MAX: variants seen among roughly 807,000 people sequenced by gnomAD.
MAX encodes the protein protein max.
A neutral mutation model predicts 22.3 loss-of-function variants in MAX; 3 were observed. The ratio of observed to expected loss-of-function variants is 0.13; its 90% CI spans 0.06 to 0.35. The LOEUF (loss-of-function observed/expected upper bound fraction) is 0.35, where lower values mean the gene tolerates loss of function less well. Among genes scored for constraint, MAX ranks in the 10% least tolerant of loss-of-function variants. The pLI is 1.00. For missense variants in MAX, 119 were observed against 209.4 expected, an observed-to-expected ratio of 0.57 and a Z score of 2.66; for synonymous variants, 72 against 77.7, an observed-to-expected ratio of 0.93 and a Z score of 0.39.
Position 65,006,923 on chromosome 14 carries a change from T to C in MAX, c.172-639A>G, listed in dbSNP as rs563846770. ...GGAGTGAAATCCCCTGATTCATAGC[T>C]GGTAGGTCAAGTATGGGTGGGAAAA... On this transcript the variant is annotated intron_variant, in intron 3 of 3. Transcript: ENST00000341653. Among the ~76,000 whole-genome samples, 31 of 152,214 alleles carry C rather than the reference T, an allele frequency of 2.0e-4. 1 individual carries two copies. The South Asian group carries it at 6.4e-3, about 32-fold the overall frequency.
intron 3 of MAX, among the ~76,000 whole-genome samples, chr14:65,036,634 G>GTT (rs2062199291): frequency 6.6e-6 from 1 of 152,092 alleles, no homozygotes; most frequent in Non-Finnish European, 1.5e-5. Context: ...TTCTCTGTAT[G>GTT]TTTTTTTCTT....
chr14:65,067,019 TAAAAA>T (rs35809647), intron 3 of MAX, among the ~76,000 whole-genome samples: 4 of 137,780 alleles, frequency 2.9e-5, no homozygotes, highest in Middle Eastern at 3.4e-3. Flanking sequence ...CTACAAAAAT[TAAAAA>T]AAAAAAAAAA....
chr14:65,076,569 G>A lies in MAX; in HGVS notation c.390C>T (p.Thr130=), dbSNP rs2139740415. The stretch of plus-strand genomic sequence containing the variant: ...CCGAGCCCCCATCGAAGGCAGAGAT[G>A]GTGCTGCCCTTGGCGTTGGTGTAGA... ...NSLYTNAKGS[T]ISAFDGGSDS... is the part of the protein sequence containing the mutation. The change falls in exon 5 of 5, where the codon ACC becomes ACT. Residue 130 remains threonine, a synonymous_variant. Transcript: ENST00000358664. The surrounding 1 kb of genome is among the most constrained non-coding windows in gnomAD (Gnocchi z 6.6). 6.2e-7 allele frequency: 1 copy of A among 1,614,108 alleles called. No individual in the cohort carries two copies. The highest frequency in any genetic ancestry group is 8.5e-7 in the Non-Finnish European group (1 of 1,180,016).
At chr14:65,067,020 A>T (rs529396473) in intron 3 of MAX, among the ~76,000 whole-genome samples, 32 of 58,748 alleles carry the variant, frequency 5.4e-4, no homozygotes, top group African/African-American at 1.2e-3. Context: ...TACAAAAATT[A>T]AAAAAAAAAA....
At chr14:65,066,862 C>CAAAAAAAA (rs759184338) in intron 3 of MAX, among the ~76,000 whole-genome samples, 1 of 88,854 alleles carries the variant, frequency 1.1e-5, no homozygotes, top group African/African-American at 4.6e-5. Context: ...AATTCCATCT[C>CAAAAAAAA]AAAAAAAAAA....
Position 65,008,700 on chromosome 14 carries a change from G to A in MAX, c.172-2416C>T, listed in dbSNP as rs111720816. ...CTAAAGCCAGGAGACTGAAAGGAGC[G>A]GAGCTCAAAGAAGGCAGCATGACCA... On this transcript the variant is annotated intron_variant, in intron 3 of 3. Coordinates refer to the MAX transcript ENST00000341653. Among the ~76,000 whole-genome samples, 35 of 152,328 alleles carry A rather than the reference G, an allele frequency of 2.3e-4. 1 individual carries two copies. The South Asian group carries it at 5.0e-3, about 22-fold the overall frequency.
At chr14:65,064,750 G>T (rs1024896527) in intron 3 of MAX, among the ~76,000 whole-genome samples, 2 of 152,226 alleles carry the variant, frequency 1.3e-5, no homozygotes, top group African/African-American at 2.4e-5. Context: ...TTGGGAACGG[G>T]GAAGGAACAA....
In MAX at chr14:65,093,547, T is replaced by C; in HGVS notation, c.171+161A>G. On this transcript the variant is annotated intron_variant, in intron 3 of 4. Coordinates refer to ENST00000358664, the MANE Select transcript of MAX (RefSeq NM_002382.5). This position sits in a 1 kb window ranked among gnomAD's most constrained non-coding sequence, Gnocchi z 4.4. ...TTTGTTAAGGATAAACTGGAGTACG[T>C]AAGGTGTGCAGTGATCCTCCAAACA... 1 of 674,060 alleles carries C rather than the reference T, an allele frequency of 1.5e-6. No individual in the cohort carries two copies. The allele number at this position is 674,060 out of a possible 1,614,324, so 41.8% of individuals were successfully genotyped here.
At chr14:65,048,338 AC>A (rs1245608056) in intron 3 of MAX, among the ~76,000 whole-genome samples, 1 of 151,662 alleles carries the variant, frequency 6.6e-6, no homozygotes, top group Non-Finnish European at 1.5e-5. Flanking sequence ...AAAAAAAAAA[AC>A]CATGTGCATT....
chr14:65,032,766 A>G lies in MAX; in HGVS notation c.172-26482T>C. 1 of 1,469,710 alleles carries G rather than the reference A, an allele frequency of 6.8e-7. No homozygotes were observed. 91.0% of individuals were successfully genotyped at this position (1,469,710 alleles called of 1,614,324 possible). A position where few individuals can be genotyped will look rare whatever the true frequency, so the allele number is the denominator to read the frequency against. ...GTCACGACACTACTTCAGAAAAATA[A>G]AGAAAATGCAGAGGGACTTGGAAGG... On this transcript the variant is annotated intron_variant, in intron 3 of 3. Coordinates refer to the MAX transcript ENST00000341653. This position sits in a 1 kb window ranked among gnomAD's most constrained non-coding sequence, Gnocchi z 5.0.
At chr14:65,070,951 A>G (rs150948578), downstream of MAX, among the ~76,000 whole-genome samples, 70 of 152,342 alleles carry the variant, frequency 4.6e-4, no homozygotes, top group Middle Eastern at 3.4e-3. This position sits in a 1 kb window ranked among gnomAD's most constrained non-coding sequence, Gnocchi z 4.4. Flanking sequence ...CCAGCCTGCA[A>G]GGGTATATTT....
chr14:65,016,774 G>T (rs535844191), intron 3 of MAX, among the ~76,000 whole-genome samples: 7 of 152,308 alleles, frequency 4.6e-5, no homozygotes, highest in African/African-American at 1.7e-4. Flanking sequence ...CTTGTGGTAC[G>T]TAGGATGCTT....
Position 65,012,603 on chromosome 14 carries a change from A to C in MAX, c.172-6319T>G, listed in dbSNP as rs1317070666. 2.0e-5 allele frequency among the ~76,000 whole-genome samples: 3 copies of C among 152,212 alleles called. No homozygotes were observed. Among genetic ancestry groups the C allele is most frequent in the Non-Finnish European group, 4.4e-5 (3 of 68,034 alleles). On this transcript the variant is annotated intron_variant, in intron 3 of 3. Transcript: ENST00000341653. The surrounding 1 kb of genome is among the most constrained non-coding windows in gnomAD (Gnocchi z 5.0). ...TCTTCCAGAGTGAGTGGAGCACCCTAGATAGGATGGGGCTTTCTTCTGTTA... is the reference window on the plus strand; with the variant it reads ...TCTTCCAGAGTGAGTGGAGCACCCTCGATAGGATGGGGCTTTCTTCTGTTA...
Position 65,076,540 on chromosome 14 carries a change from G to A in MAX, c.419C>T (p.Ser140Phe). The stretch of plus-strand genomic sequence containing the variant: ...CTCTTCAGGCTCAGACTCCGAGCTG[G>A]AGTCCGAGCCCCCATCGAAGGCAGA... The part of the protein sequence containing the change: ...TISAFDGGSD[S>F]SSESEPEEPQ... Residue 140 changes from serine (S) to phenylalanine (F), a missense_variant, in exon 5 of 5, where the codon TCC (serine) becomes TTC (phenylalanine). By Grantham distance (155) the Ser-to-Phe change is radical. This residue lies in a region of MAX where 95 missense variants were observed against 148.1 expected (regional missense o/e 0.64). Transcript: ENST00000358664. The surrounding 1 kb of genome is among the most constrained non-coding windows in gnomAD (Gnocchi z 6.6). 3 of 1,614,064 alleles carry A rather than the reference G, an allele frequency of 1.9e-6. No homozygotes were observed. The highest frequency in any genetic ancestry group is 2.5e-6 in the Non-Finnish European group (3 of 1,180,012).
chr14:65,047,897 C>T lies in MAX; in HGVS notation c.172-41613G>A, dbSNP rs2062517977. Among the ~76,000 whole-genome samples, 1 of 151,776 alleles carries T rather than the reference C, an allele frequency of 6.6e-6. No individual in the cohort carries two copies. The highest frequency in any genetic ancestry group is 2.1e-4 in the South Asian group (1 of 4,824). On this transcript the variant is annotated intron_variant, in intron 3 of 3. Transcript: ENST00000341653. This position sits in a 1 kb window ranked among gnomAD's most constrained non-coding sequence, Gnocchi z 5.2. ...GAGATGTACACAGCTTTTCCTGGAA[C>T]CCTACACAAAACCCCTTGAACAATG...
intron 3 of MAX, among the ~76,000 whole-genome samples, chr14:65,039,386 T>G (rs1566564591): frequency 6.6e-6 from 1 of 152,358 alleles, no homozygotes; most frequent in East Asian, 1.9e-4. Flanking sequence ...TGTTGGATAT[T>G]CTGGAACTCA....
chr14:65,041,238 TA>T (rs1316567174), intron 3 of MAX, among the ~76,000 whole-genome samples: 10 of 152,328 alleles, frequency 6.6e-5, no homozygotes, highest in African/African-American at 1.7e-4. Context: ...AAGAACCTCC[TA>T]AGAGGAAAAG....
chr14:65,074,233 G>A, downstream of MAX, among the ~76,000 whole-genome samples: 1 of 152,190 alleles, frequency 6.6e-6, no homozygotes, highest in East Asian at 1.9e-4. Context: ...TAGGCAATAA[G>A]CTGATTCTCA....
rs1021719842 is a variant in MAX at position 65,031,959 on chromosome 14, C to T, written c.172-25675G>A. Among the ~76,000 whole-genome samples, 1 of 148,490 alleles carries T rather than the reference C, an allele frequency of 6.7e-6. No homozygotes were observed. ...ACAAAAGCAAAACAAAAAATATAGACGTGCGCCTTTTTCATTTAACGTGTG... is the reference window on the plus strand; with the variant it reads ...ACAAAAGCAAAACAAAAAATATAGATGTGCGCCTTTTTCATTTAACGTGTG... On this transcript the variant is annotated intron_variant, in intron 3 of 3. Coordinates refer to the MAX transcript ENST00000341653. This position sits in a 1 kb window ranked among gnomAD's most constrained non-coding sequence, Gnocchi z 4.6.
Sources: gnomAD v4.1 joint callset for allele counts (sites outside exome capture counted in the v4.1 genomes callset) on GRCh38, gnomAD v4.1.1 for gene constraint, gnomAD v4.1.1 regional missense constraint, Gnocchi (gnomAD v3.1) non-coding constraint, MANE v1.5 for transcripts, NCBI Gene and HGNC (gene_info 2026-07-23, HGNC 2026-07-21) for gene names.